ERBB4: variants seen among roughly 807,000 people sequenced by gnomAD.
ERBB4 encodes the protein erb-b2 receptor tyrosine kinase 4, also known as receptor tyrosine-protein kinase erbB-4.
A neutral mutation model predicts 158.0 loss-of-function variants in ERBB4; 42 were observed. The observed-to-expected ratio is 0.27, with a 90% CI of 0.21 to 0.34. ERBB4 has a LOEUF of 0.34. Ranked by LOEUF, ERBB4 falls within the 10% of genes least tolerant of loss-of-function variation. The probability of loss-of-function intolerance (pLI) is 1.00; values close to 1 mark genes in which losing one functional copy is unlikely to be tolerated. For synonymous variants in ERBB4, 583 were observed against 558.7 expected, an observed-to-expected ratio of 1.04 and a Z score of -0.61; for missense variants, 1,333 against 1,624.1, an observed-to-expected ratio of 0.82 and a Z score of 3.08.
Position 212,145,666 on chromosome 2 carries a change from C to G in ERBB4, c.83-20763G>C, listed in dbSNP as rs945882250. Among the ~76,000 whole-genome samples the G allele has an allele frequency of 2.9e-5, 4 of 136,512 alleles. No individual in the cohort carries two copies. The East Asian group carries it at 8.7e-4, about 30-fold the overall frequency. The allele number at this position is 136,512 out of a possible 152,430, so 89.6% of individuals were successfully genotyped here. ...AATGCAGGTCACACCTGAGATTCAACAGCTAAGTGTACAGCCTTGGCTGTG... is the reference window on the plus strand; with the variant it reads ...AATGCAGGTCACACCTGAGATTCAAGAGCTAAGTGTACAGCCTTGGCTGTG... On this transcript the variant is annotated intron_variant, in intron 1 of 27. Transcript: ENST00000342788.
In ERBB4 at chr2:211,740,282, T is replaced by C. The variant is rs138509068; in HGVS notation, c.622+10357A>G. Reference sequence around the variant, plus strand: ...AGATAGTAATATATACAAATTATTTTTTAAAATATTTTTGTATGTTTTTAT... The same window carrying C: ...AGATAGTAATATATACAAATTATTTCTTAAAATATTTTTGTATGTTTTTAT... On this transcript the variant is annotated intron_variant, in intron 5 of 27. Coordinates refer to ENST00000342788, the MANE Select transcript of ERBB4 (RefSeq NM_005235.3). 2.4e-3 allele frequency among the ~76,000 whole-genome samples: 371 copies of C among 152,042 alleles called. 4 individuals are homozygous for C. Among genetic ancestry groups the C allele is most frequent in the African/African-American group, 8.4e-3 (348 of 41,316 alleles).
intron 1 of ERBB4, among the ~76,000 whole-genome samples, chr2:212,192,072 TTA>T (rs547199035): frequency 0.037 from 4,578 of 122,680 alleles, 83 homozygotes; most frequent in Middle Eastern, 0.051. Context: ...ATGTTATATG[TTA>T]TATATATTAT....
chr2:212,508,217 C>T (rs1043021495), intron 1 of ERBB4, among the ~76,000 whole-genome samples: 7 of 152,096 alleles, frequency 4.6e-5, no homozygotes, highest in Admixed American at 3.3e-4. Context: ...AGAAACATAA[C>T]TTTTATATGT....
chr2:212,500,177 A>T (rs1230210664), intron 1 of ERBB4, among the ~76,000 whole-genome samples: 1 of 152,120 alleles, frequency 6.6e-6, no homozygotes. Flanking sequence ...CAGGTAAATT[A>T]TCTACCATTT....
intron 1 of ERBB4, among the ~76,000 whole-genome samples, chr2:212,148,014 C>A (rs993503314): frequency 2.0e-5 from 3 of 151,864 alleles, no homozygotes; most frequent in Non-Finnish European, 2.9e-5. Context: ...ATTGAATTAC[C>A]TTTTGTGCAG....
Position 212,373,828 on chromosome 2 carries a change from T to C in ERBB4, c.82+164621A>G, listed in dbSNP as rs1238779752. Among the ~76,000 whole-genome samples the C allele has an allele frequency of 3.7e-5, 5 of 133,534 alleles. 1 individual carries two copies. The highest frequency in any genetic ancestry group is 8.1e-5 in the Non-Finnish European group (5 of 61,568). The allele number at this position is 133,534 out of a possible 152,430, so 87.6% of individuals were successfully genotyped here. ...ATATATATCCATGTATATATCCATA[T>C]ATATATATATCCATGTATATATCCA... is the stretch of plus-strand genomic sequence containing the variant. On this transcript the variant is annotated intron_variant, in intron 1 of 27. Coordinates refer to ENST00000342788, the MANE Select transcript of ERBB4 (RefSeq NM_005235.3).
intron 1 of ERBB4, among the ~76,000 whole-genome samples, chr2:212,359,484 T>C (rs534466237): frequency 6.0e-5 from 9 of 151,260 alleles, no homozygotes; most frequent in Middle Eastern, 3.2e-3. Flanking sequence ...TTTGGGCTAA[T>C]GTATCTGTTT....
intron 12 of ERBB4, among the ~76,000 whole-genome samples, chr2:211,694,762 A>G (rs1378594303): frequency 1.3e-5 from 2 of 152,134 alleles, no homozygotes; most frequent in Admixed American, 6.5e-5. Context: ...TTGATTTCCC[A>G]GGCTCCCAGA....
chr2:211,877,067 T>C (rs978644419), intron 3 of ERBB4, among the ~76,000 whole-genome samples: 12 of 152,230 alleles, frequency 7.9e-5, no homozygotes, highest in African/African-American at 2.7e-4. Flanking sequence ...TTAGCCTTTC[T>C]TTAGCTAAAT....
intron 12 of ERBB4, among the ~76,000 whole-genome samples, chr2:211,681,114 T>C (rs1373716864): frequency 6.6e-6 from 1 of 152,188 alleles, no homozygotes; most frequent in Non-Finnish European, 1.5e-5. Flanking sequence ...TACAGTATAT[T>C]TTCTGTTTTT....
chr2:211,979,561 T>C (rs2125226823), intron 2 of ERBB4, among the ~76,000 whole-genome samples: 1 of 152,270 alleles, frequency 6.6e-6, no homozygotes, highest in Admixed American at 6.5e-5. Flanking sequence ...TTTCAATAGG[T>C]ATTTCTTCTT....
intron 2 of ERBB4, among the ~76,000 whole-genome samples, chr2:212,084,086 T>G (rs1329843740): frequency 1.3e-5 from 2 of 151,938 alleles, no homozygotes; most frequent in Non-Finnish European, 2.9e-5. Context: ...ACTTTTGGAT[T>G]ACCCATGGCA....
rs184210751 is a variant in ERBB4 at position 211,633,824 on chromosome 2, T to C, written c.1947-3230A>G. On this transcript the variant is annotated intron_variant, in intron 16 of 27. Coordinates refer to ENST00000342788, the MANE Select transcript of ERBB4 (RefSeq NM_005235.3). Reference sequence around the variant, plus strand: ...GATTTTGATGTTAGTAGAAAATATTTGCAAACTATACATCTAACAAAGGTC... The same window carrying C: ...GATTTTGATGTTAGTAGAAAATATTCGCAAACTATACATCTAACAAAGGTC... Among the ~76,000 whole-genome samples, 144 of 151,928 alleles carry C rather than the reference T, an allele frequency of 9.5e-4. 1 individual carries two copies. Among genetic ancestry groups the C allele is most frequent in the African/African-American group, 3.5e-3 (144 of 41,434 alleles).
At chr2:212,371,438 T>G (rs2090082176) in intron 1 of ERBB4, among the ~76,000 whole-genome samples, 1 of 152,244 alleles carries the variant, frequency 6.6e-6, no homozygotes, top group African/African-American at 2.4e-5. Flanking sequence ...ATGTGCATGC[T>G]TGTTTCCATC....
chr2:212,028,899 A>G (rs2076836534), intron 2 of ERBB4, among the ~76,000 whole-genome samples: 1 of 152,080 alleles, frequency 6.6e-6, no homozygotes, highest in Non-Finnish European at 1.5e-5. Context: ...GAGTTAGTGA[A>G]GTAGGAGGCA....
At chr2:212,383,184 T>G (rs2090566528) in intron 1 of ERBB4, among the ~76,000 whole-genome samples, 1 of 151,424 alleles carries the variant, frequency 6.6e-6, no homozygotes, top group Non-Finnish European at 1.5e-5. Flanking sequence ...TATTATTATA[T>G]GCAATGTAAT....
chr2:211,616,822 A>T (rs1485581127), intron 19 of ERBB4, among the ~76,000 whole-genome samples: 1 of 152,170 alleles, frequency 6.6e-6, no homozygotes, highest in Non-Finnish European at 1.5e-5. Context: ...GCATCTATCC[A>T]CAAGAGAAAA....
chr2:211,653,511 A>T (rs1047429827), intron 16 of ERBB4, among the ~76,000 whole-genome samples: 12 of 126,590 alleles, frequency 9.5e-5, no homozygotes, highest in African/African-American at 3.2e-4. Flanking sequence ...GGTTTGGGAA[A>T]CAGAATACAA....
chr2:211,453,244 A>G (rs1192114343), intron 20 of ERBB4, among the ~76,000 whole-genome samples: 1 of 152,244 alleles, frequency 6.6e-6, no homozygotes, highest in East Asian at 1.9e-4. Flanking sequence ...GTAAGAGTGC[A>G]ATTAAATTCA....
Sources: allele counts gnomAD v4.1 joint callset (sites outside exome capture counted in the v4.1 genomes callset), GRCh38; gene constraint gnomAD v4.1.1; transcripts MANE v1.5; gene names NCBI Gene and HGNC (gene_info 2026-07-23, HGNC 2026-07-21).